MEOX2: variants seen among roughly 807,000 people sequenced by gnomAD.
MEOX2 encodes homeobox protein MOX-2.
In MEOX2, 11 loss-of-function variants were observed where a neutral mutation model predicts 27.0. That is an observed-to-expected ratio of 0.41 (90% CI 0.26 to 0.68). MEOX2 has a LOEUF of 0.68. Ranked by LOEUF, MEOX2 falls within the 30% of genes least tolerant of loss-of-function variation. MEOX2 has a pLI of 0.33. For missense variants in MEOX2, 436 were observed against 385.4 expected, an observed-to-expected ratio of 1.13 and a Z score of -1.10; for synonymous variants, 189 against 155.4, an observed-to-expected ratio of 1.22 and a Z score of -1.61.
At chr7:15,640,996 G>A (rs1260923887) in intron 1 of MEOX2, among the ~76,000 whole-genome samples, 2 of 151,830 alleles carry the variant, frequency 1.3e-5, no homozygotes, top group Non-Finnish European at 2.9e-5. Flanking sequence ...TATTTTTGTT[G>A]TTGTTGTTGT....
At chr7:15,639,838 T>C (rs144613552) in intron 1 of MEOX2, among the ~76,000 whole-genome samples, 20 of 152,310 alleles carry the variant, frequency 1.3e-4, no homozygotes, top group African/African-American at 4.3e-4. Flanking sequence ...ATTGTACCAG[T>C]ACCAAACTGT....
intron 1 of MEOX2, among the ~76,000 whole-genome samples, chr7:15,654,722 G>A (rs1323396783): frequency 1.3e-5 from 2 of 151,554 alleles, no homozygotes; most frequent in African/African-American, 4.8e-5. Context: ...AATCAGCCTT[G>A]CAACCCTACA....
At chr7:15,631,890 G>C (rs1276121094) in intron 1 of MEOX2, among the ~76,000 whole-genome samples, 1 of 141,118 alleles carries the variant, frequency 7.1e-6, no homozygotes, top group African/African-American at 2.7e-5. Context: ...AAAAGAGCAA[G>C]TTAAGCCAAG....
chr7:15,650,124 T>TG (rs768964760), intron 1 of MEOX2, among the ~76,000 whole-genome samples: 2 of 152,050 alleles, frequency 1.3e-5, no homozygotes, highest in Non-Finnish European at 2.9e-5. Flanking sequence ...AAATTCCACT[T>TG]GGATGTTTGG....
intron 1 of MEOX2, among the ~76,000 whole-genome samples, chr7:15,669,997 G>A (rs1434721169): frequency 6.6e-6 from 1 of 152,080 alleles, no homozygotes. Context: ...TTCCTCAAGA[G>A]GCCTGGAAGA....
In MEOX2 at chr7:15,626,813, T is replaced by C; in HGVS notation, c.623A>G (p.His208Arg). 8.1e-6 allele frequency: 13 copies of C among 1,610,998 alleles called. No homozygotes were observed. Among genetic ancestry groups the C allele is most frequent in the Non-Finnish European group, 1.1e-5 (13 of 1,179,024 alleles). Residue 208 changes from histidine to arginine, a missense_variant, in exon 2 of 3, where the codon CAT becomes CGT. By Grantham distance (29) the His-to-Arg change is conservative. Transcript: ENST00000262041. Reference sequence around the variant, plus strand: ...CCTCAGTCTGGTGAGATAATTATGATGGGCAAATTCTGCTTCAAGTTCTCT... The same window carrying C: ...CCTCAGTCTGGTGAGATAATTATGACGGGCAAATTCTGCTTCAAGTTCTCT... ...QIRELEAEFA[H>R]HNYLTRLRRY...
At chr7:15,635,767 A>G (rs1161072742) in intron 1 of MEOX2, among the ~76,000 whole-genome samples, 1 of 152,060 alleles carries the variant, frequency 6.6e-6, no homozygotes, top group African/African-American at 2.4e-5. Flanking sequence ...TCCACTTTAC[A>G]TTGAAAAATG....
At chr7:15,654,654 T>C (rs1037837374) in intron 1 of MEOX2, among the ~76,000 whole-genome samples, 3 of 151,894 alleles carry the variant, frequency 2.0e-5, no homozygotes, top group South Asian at 2.1e-4. Flanking sequence ...CCAACTGGTT[T>C]AATCATGAGA....
chr7:15,624,427 C>A (rs1781265738), intron 2 of MEOX2, among the ~76,000 whole-genome samples: 1 of 152,186 alleles, frequency 6.6e-6, no homozygotes, highest in Admixed American at 6.5e-5. Flanking sequence ...ATGAAGCGAT[C>A]TTGTCCTACA....
At chr7:15,661,088 G>C (rs950880692) in intron 1 of MEOX2, among the ~76,000 whole-genome samples, 1 of 148,306 alleles carries the variant, frequency 6.7e-6, no homozygotes, top group East Asian at 2.0e-4. Context: ...AAGAGGGGTT[G>C]TTGTAATGTC....
intron 1 of MEOX2, among the ~76,000 whole-genome samples, chr7:15,685,286 C>T (rs1198843722): frequency 6.6e-6 from 1 of 152,044 alleles, no homozygotes; most frequent in Admixed American, 6.5e-5. Flanking sequence ...TGTCTTCTTC[C>T]CCAATAAAGG....
rs1213685303 is a variant in MEOX2 at position 15,614,175 on chromosome 7, G to A, written c.691-1564C>T. ...TTTAAAGGTTGCCTTTTCCAACACA[G>A]TGGGACCCTGTCTCTACAAATAAAT... On this transcript the variant is annotated intron_variant, in intron 2 of 2. Transcript: ENST00000262041. 2.7e-5 allele frequency among the ~76,000 whole-genome samples: 4 copies of A among 150,518 alleles called. No homozygotes were observed. In the East Asian group the frequency reaches 7.8e-4, roughly 29 times the overall value.
chr7:15,633,874 C>T (rs1036206468), intron 1 of MEOX2, among the ~76,000 whole-genome samples: 21 of 151,872 alleles, frequency 1.4e-4, no homozygotes, highest in Non-Finnish European at 1.8e-4. Flanking sequence ...TTTGACTTTA[C>T]GATCTGATTA....
chr7:15,686,242 G>A lies in MEOX2; in HGVS notation c.161C>T (p.Pro54Leu). 2 of 1,612,738 alleles carry A rather than the reference G, an allele frequency of 1.2e-6. No homozygotes were observed. The highest frequency in any genetic ancestry group is 1.7e-6 in the Non-Finnish European group (2 of 1,179,438). Reference protein sequence around the residue: ...SSSSCIIAGYPNEEGMFASQH... With the variant: ...SSSSCIIAGYLNEEGMFASQH... ...GCTGGCAAACATGCCCTCTTCGTTG[G>A]GGTATCCCGCGATTATGCAAGATGA... The change falls in exon 1 of 3, where the codon CCC becomes CTC. Residue 54 changes from proline to leucine, a missense_variant. Transcript: ENST00000262041.
At chr7:15,630,239 GA>G (rs1781381034) in intron 1 of MEOX2, among the ~76,000 whole-genome samples, 1 of 152,072 alleles carries the variant, frequency 6.6e-6, no homozygotes, top group South Asian at 2.1e-4. Context: ...TACGCTAATG[GA>G]AGAAGTCTGC....
At chr7:15,651,685 TCTTGATCAGTGCTCAAGAGCCC>T (rs1227135126) in intron 1 of MEOX2, among the ~76,000 whole-genome samples, 1 of 151,988 alleles carries the variant, frequency 6.6e-6, no homozygotes. Flanking sequence ...GACTCTGTAC[TCTTGATCAGTGCTCAAGAGCCC>T]CTTGTCCAAG....
intron 2 of MEOX2, 38 bp from the exon 3 acceptor site, chr7:15,612,649 G>C: frequency 6.3e-7 from 1 of 1,576,904 alleles, no homozygotes; most frequent in Non-Finnish European, 8.7e-7. Context: ...CAGAAAAAAA[G>C]AGATAATTAA....
chr7:15,644,696 C>G (rs768339706), intron 1 of MEOX2, among the ~76,000 whole-genome samples: 9 of 152,136 alleles, frequency 5.9e-5, no homozygotes, highest in Non-Finnish European at 1.2e-4. Flanking sequence ...AAAAGAAAAT[C>G]CAGATTTTTT....
intron 1 of MEOX2, among the ~76,000 whole-genome samples, chr7:15,631,932 G>GT (rs371386224): frequency 0.053 from 8,015 of 149,818 alleles, 741 homozygotes; most frequent in African/African-American, 0.18. Flanking sequence ...GTGTGTGTGT[G>GT]GAGAGAAAGA....
Sources: gnomAD v4.1 joint callset for allele counts (sites outside exome capture counted in the v4.1 genomes callset) on GRCh38, gnomAD v4.1.1 for gene constraint, MANE v1.5 for transcripts, NCBI Gene and HGNC (gene_info 2026-07-23, HGNC 2026-07-21) for gene names.